Variants in PTGFR observed in about 807,000 individuals in gnomAD.
PTGFR encodes prostaglandin F2-alpha receptor.
A neutral mutation model predicts 26.2 loss-of-function variants in PTGFR; 15 were observed. The ratio of observed to expected loss-of-function variants is 0.57; its 90% CI spans 0.38 to 0.88. The LOEUF (loss-of-function observed/expected upper bound fraction) is 0.88. Ranked by LOEUF, PTGFR falls within the 40% of genes least tolerant of loss-of-function variation. PTGFR has a pLI of 0.00. For missense variants in PTGFR, 369 were observed against 427.2 expected (o/e 0.86, Z 1.20); for synonymous variants, 165 against 151.1 (o/e 1.09, Z -0.68).
chr1:78,520,908 A>C (rs1480235643), intron 2 of PTGFR, among the ~76,000 whole-genome samples: 1 of 152,082 alleles, frequency 6.6e-6, no homozygotes, highest in Non-Finnish European at 1.5e-5. Context: ...TTGTCATTTC[A>C]TAATTTGAAG....
At chr1:78,515,013 C>T (rs1296190898) in intron 2 of PTGFR, among the ~76,000 whole-genome samples, 1 of 152,226 alleles carries the variant, frequency 6.6e-6, no homozygotes, top group East Asian at 1.9e-4. Context: ...GCCAACTAAA[C>T]CTCTTTTCTT....
In PTGFR at chr1:78,537,868, T is replaced by C. The variant is rs915877592; in HGVS notation, c.*1181T>C. On this transcript the variant is annotated 3_prime_UTR_variant, in exon 3 of 3. Coordinates refer to ENST00000370757, the MANE Select transcript of PTGFR (RefSeq NM_000959.4). ...CAAATTTTCCAATAATAATTGAGACTTTTTCTTTGCTTGTTTGTGTAATTC... is the reference window on the plus strand; with the variant it reads ...CAAATTTTCCAATAATAATTGAGACCTTTTCTTTGCTTGTTTGTGTAATTC... 1 of 152,134 alleles carries C rather than the reference T, an allele frequency of 6.6e-6. No individual in the cohort carries two copies. The highest frequency in any genetic ancestry group is 2.4e-5 in the African/African-American group (1 of 41,446). The allele number at this position is 152,134 out of a possible 1,614,324, so 9.4% of individuals were successfully genotyped here.
At chr1:78,528,959 G>T (rs563696183) in intron 2 of PTGFR, among the ~76,000 whole-genome samples, 41 of 152,140 alleles carry the variant, frequency 2.7e-4, no homozygotes, top group African/African-American at 9.4e-4. Context: ...GAGGCACAGC[G>T]AACCAATGCA....
In PTGFR at chr1:78,540,309, C is replaced by T. The variant is rs915286258; in HGVS notation, c.*3622C>T. On this transcript the variant is annotated 3_prime_UTR_variant, in exon 3 of 3. Transcript: ENST00000370757. Reference sequence around the variant, plus strand: ...TCCCAGGGGGCAGCTAAGTGCAATACTATATGTTAGGAAAACGGAAACTAA... The same window carrying T: ...TCCCAGGGGGCAGCTAAGTGCAATATTATATGTTAGGAAAACGGAAACTAA... Among the ~76,000 whole-genome samples the T allele has an allele frequency of 2.0e-5, 3 of 152,072 alleles. No individual in the cohort carries two copies. The highest frequency in any genetic ancestry group is 4.4e-5 in the Non-Finnish European group (3 of 68,020).
chr1:78,515,565 A>G (rs1431334080), intron 2 of PTGFR, among the ~76,000 whole-genome samples: 1 of 152,220 alleles, frequency 6.6e-6, no homozygotes, highest in Non-Finnish European at 1.5e-5. Context: ...ACAGCACATT[A>G]CACTGATTCA....
At position 78,540,322 on chromosome 1, in the gene PTGFR, A is replaced by G. The variant is rs1012051859; in HGVS notation, c.*3635A>G. On this transcript the variant is annotated 3_prime_UTR_variant, in exon 3 of 3. Coordinates refer to ENST00000370757, the MANE Select transcript of PTGFR (RefSeq NM_000959.4). ...CTAAGTGCAATACTATATGTTAGGAAAACGGAAACTAATTTGTAGACAGCA... is the reference window on the plus strand; with the variant it reads ...CTAAGTGCAATACTATATGTTAGGAGAACGGAAACTAATTTGTAGACAGCA... 6.6e-6 allele frequency among the ~76,000 whole-genome samples: 1 copy of G among 152,190 alleles called. No homozygotes were observed. The highest frequency in any genetic ancestry group is 2.4e-5 in the African/African-American group (1 of 41,466).
Position 78,492,814 on chromosome 1 carries a change from C to CG in PTGFR, c.73dup (p.Glu25GlyfsTer35), listed in dbSNP as rs1174809559. ...CTTCTTTCAAACACAACCTGCCAGA[C>CG]GGAAAACCGGCTTTCCGTATTTTTT... On this transcript the variant is annotated frameshift_variant, in exon 2 of 3. Transcript: ENST00000370757. LOFTEE classifies it high-confidence loss of function. 1 of 1,614,064 alleles carries CG rather than the reference C, an allele frequency of 6.2e-7. No homozygotes were observed. Among genetic ancestry groups the CG allele is most frequent in the Non-Finnish European group, 8.5e-7 (1 of 1,180,050 alleles).
At chr1:78,499,396 C>T (rs957929234) in intron 2 of PTGFR, among the ~76,000 whole-genome samples, 1 of 152,242 alleles carries the variant, frequency 6.6e-6, no homozygotes, top group African/African-American at 2.4e-5. Flanking sequence ...AGCACGTAAG[C>T]TCCTGAGGGA....
intron 2 of PTGFR, among the ~76,000 whole-genome samples, chr1:78,507,164 C>G (rs984899803): frequency 1.3e-5 from 2 of 152,192 alleles, no homozygotes; most frequent in African/African-American, 2.4e-5. Flanking sequence ...TCTGATTCTT[C>G]AGGCTGGAAA....
At chr1:78,509,967 C>G (rs1649926082) in intron 2 of PTGFR, among the ~76,000 whole-genome samples, 1 of 152,162 alleles carries the variant, frequency 6.6e-6, no homozygotes, top group South Asian at 2.1e-4. Context: ...TTCTCTTGGA[C>G]TTCTTGGGTT....
At chr1:78,528,009 T>C (rs1305601568) in intron 2 of PTGFR, among the ~76,000 whole-genome samples, 1 of 152,062 alleles carries the variant, frequency 6.6e-6, no homozygotes, top group African/African-American at 2.4e-5. Context: ...GAGAAAATTA[T>C]GTGGGGTATA....
At chr1:78,508,270 C>T (rs1649873146) in intron 2 of PTGFR, among the ~76,000 whole-genome samples, 1 of 151,978 alleles carries the variant, frequency 6.6e-6, no homozygotes, top group Non-Finnish European at 1.5e-5. Context: ...TTATTCTTTT[C>T]TACAAAAATT....
At chr1:78,521,806 G>C (rs1414012796) in intron 2 of PTGFR, among the ~76,000 whole-genome samples, 1 of 152,088 alleles carries the variant, frequency 6.6e-6, no homozygotes, top group South Asian at 2.1e-4. Context: ...TGTAATGGCT[G>C]TTGTAGGTTT....
chr1:78,491,585 C>T (rs773102175), intron 1 of PTGFR, among the ~76,000 whole-genome samples: 2 of 152,264 alleles, frequency 1.3e-5, no homozygotes, highest in Admixed American at 1.3e-4. Context: ...AGGGAGAAAA[C>T]AGCCCTTTGG....
intron 2 of PTGFR, among the ~76,000 whole-genome samples, chr1:78,516,601 G>A (rs1650094875): frequency 6.6e-6 from 1 of 152,136 alleles, no homozygotes; most frequent in South Asian, 2.1e-4. Flanking sequence ...CCAGAGCATT[G>A]ACAATGCCCT....
chr1:78,503,983 C>T (rs544844160), intron 2 of PTGFR, among the ~76,000 whole-genome samples: 12 of 152,102 alleles, frequency 7.9e-5, no homozygotes, highest in East Asian at 3.9e-4. Flanking sequence ...AGAAACAGAA[C>T]GCAAGGGTGA....
At position 78,538,645 on chromosome 1, in the gene PTGFR, T is replaced by G. The variant is rs954273440; in HGVS notation, c.*1958T>G. 30 of 152,114 alleles carry G rather than the reference T, an allele frequency of 2.0e-4. No homozygotes were observed. The highest frequency in any genetic ancestry group is 7.2e-4 in the African/African-American group (30 of 41,442). The allele number at this position is 152,114 out of a possible 1,614,324, so 9.4% of individuals were successfully genotyped here. A position where few individuals can be genotyped will look rare whatever the true frequency, so the allele number is the denominator to read the frequency against. On this transcript the variant is annotated 3_prime_UTR_variant, in exon 3 of 3. Coordinates refer to ENST00000370757, the MANE Select transcript of PTGFR (RefSeq NM_000959.4). The stretch of plus-strand genomic sequence containing the variant: ...ACATCTGACTTAAGAGTTTCATTTC[T>G]GTTATTATATGTGTTGCATGTAGCT...
chr1:78,526,041 G>C (rs1650364753), intron 2 of PTGFR, among the ~76,000 whole-genome samples: 1 of 152,012 alleles, frequency 6.6e-6, no homozygotes, highest in Non-Finnish European at 1.5e-5. Flanking sequence ...AGTTGATTTT[G>C]GTTGATTGCT....
At chr1:78,510,863 C>CA (rs1452816367) in intron 2 of PTGFR, among the ~76,000 whole-genome samples, 1 of 152,136 alleles carries the variant, frequency 6.6e-6, no homozygotes, top group African/African-American at 2.4e-5. Flanking sequence ...TTCTCATTCC[C>CA]AAAGGGGGAA....
Sources: gnomAD v4.1 joint callset for allele counts (sites outside exome capture counted in the v4.1 genomes callset) on GRCh38, gnomAD v4.1.1 for gene constraint, MANE v1.5 for transcripts, NCBI Gene and HGNC (gene_info 2026-07-23, HGNC 2026-07-21) for gene names.